Variants in APBB2 observed in about 807,000 individuals in gnomAD.
APBB2 encodes Fe65-like 1.
In APBB2, 38 loss-of-function variants were observed where a neutral mutation model predicts 82.5. That is an observed-to-expected ratio of 0.46 (90% CI 0.36 to 0.60). APBB2 has a LOEUF of 0.60. APBB2 is among the 20% of genes least tolerant of loss of function. The probability of loss-of-function intolerance (pLI) is 0.00; values close to 1 mark genes in which losing one functional copy is unlikely to be tolerated. For synonymous variants in APBB2, 341 were observed against 368.2 expected (o/e 0.93, Z 0.85); for missense variants, 772 against 972.3 (o/e 0.79, Z 2.74).
At chr4:41,110,622 A>C (rs984239354) in intron 2 of APBB2, among the ~76,000 whole-genome samples, 1 of 148,424 alleles carries the variant, frequency 6.7e-6, no homozygotes, top group African/African-American at 2.5e-5. Flanking sequence ...AAAAAAAAAG[A>C]CCTCATTTTT....
chr4:40,911,804 C>T (rs971646786), intron 10 of APBB2, among the ~76,000 whole-genome samples: 3 of 152,156 alleles, frequency 2.0e-5, no homozygotes, highest in East Asian at 1.9e-4. Context: ...GTGCTGGAGC[C>T]GAGCCTCCAT....
chr4:41,101,054 G>A (rs1745158151), intron 2 of APBB2, among the ~76,000 whole-genome samples: 1 of 152,198 alleles, frequency 6.6e-6, no homozygotes, highest in African/African-American at 2.4e-5. Flanking sequence ...GGAACCGAGG[G>A]AGAATCTGGA....
chr4:40,848,812 G>T (rs1758435893), intron 12 of APBB2: 13 of 974,004 alleles, frequency 1.3e-5, no homozygotes, highest in Admixed American at 1.2e-4. Context: ...CGGCTGCTTG[G>T]TCTGCTTTTC....
chr4:41,054,796 G>T lies in APBB2; in HGVS notation c.-51+10780C>A, dbSNP rs73809499. Reference sequence around the variant, plus strand: ...ACTGAGAAGCTTTGAGGTGCAGCTCGCTATTCCCCAGGCAGAAAAGCCATG... The same window carrying T: ...ACTGAGAAGCTTTGAGGTGCAGCTCTCTATTCCCCAGGCAGAAAAGCCATG... On this transcript the variant is annotated intron_variant, in intron 4 of 17. Coordinates refer to ENST00000508593, the MANE Select transcript of APBB2 (RefSeq NM_004307.2). Among the ~76,000 whole-genome samples, 88 of 151,972 alleles carry T rather than the reference G, an allele frequency of 5.8e-4. 1 individual carries two copies. The highest frequency in any genetic ancestry group is 2.0e-3 in the African/African-American group (81 of 41,410).
At chr4:40,962,646 T>C (rs987555742) in intron 6 of APBB2, among the ~76,000 whole-genome samples, 1 of 152,074 alleles carries the variant, frequency 6.6e-6, no homozygotes, top group African/African-American at 2.4e-5. Context: ...CCCCTTTTTT[T>C]CCTATCTCAT....
intron 4 of APBB2, among the ~76,000 whole-genome samples, chr4:41,053,012 G>A (rs141817935): frequency 0.01 from 1,578 of 152,184 alleles, 19 homozygotes; most frequent in African/African-American, 0.017. Flanking sequence ...TGATCCACCC[G>A]CCTTGGCCTT....
chr4:40,989,089 G>A (rs1026685286), intron 6 of APBB2, among the ~76,000 whole-genome samples: 2 of 152,108 alleles, frequency 1.3e-5, no homozygotes, highest in Admixed American at 1.3e-4. Context: ...AATTTGCAAT[G>A]TTCATAAAGT....
chr4:41,077,008 ATTT>A (rs35092142), intron 3 of APBB2, among the ~76,000 whole-genome samples: 1 of 144,734 alleles, frequency 6.9e-6, no homozygotes. Flanking sequence ...AAAAATCAGG[ATTT>A]TTTTTTTTTT....
intron 2 of APBB2, among the ~76,000 whole-genome samples, chr4:41,116,877 T>C (rs1311771399): frequency 6.6e-6 from 1 of 152,116 alleles, no homozygotes; most frequent in East Asian, 1.9e-4. Context: ...CTTGCCAAAT[T>C]AAATTATAGT....
Position 40,934,626 on chromosome 4 carries a change from G to C in APBB2, c.1181C>G (p.Ser394Cys), listed in dbSNP as rs1244395505. The change falls in exon 9 of 18, where the codon TCT (serine) becomes TGT (cysteine). Residue 394 changes from serine to cysteine, a missense_variant. By Grantham distance (112) the Ser-to-Cys change is moderately radical. Transcript: ENST00000508593. Reference sequence around the variant, plus strand: ...ACTAATGTCCTACCTGAGTTTCAAAGATGCATAGCGTAGGGTTGCTCCTTC... The same window carrying C: ...ACTAATGTCCTACCTGAGTTTCAAACATGCATAGCGTAGGGTTGCTCCTTC... ...EFEGATLRYA[S>C]LKLRNAPHPD... is the part of the protein sequence containing the mutation. The C allele has an allele frequency of 6.2e-7, 1 of 1,613,840 alleles. No homozygotes were observed. Among genetic ancestry groups the C allele is most frequent in the Admixed American group, 1.7e-5 (1 of 60,010 alleles).
At chr4:41,078,916 C>T (rs945350392) in intron 3 of APBB2, among the ~76,000 whole-genome samples, 7 of 152,166 alleles carry the variant, frequency 4.6e-5, no homozygotes, top group Admixed American at 4.6e-4. Context: ...TGGCTAGACA[C>T]TAACATTCCC....
chr4:40,822,936 AGAGGT>A (rs1349635111), intron 16 of APBB2, among the ~76,000 whole-genome samples: 1 of 152,118 alleles, frequency 6.6e-6, no homozygotes, highest in Non-Finnish European at 1.5e-5. Context: ...ACCTACTTGA[AGAGGT>A]GAGGAGAGCT....
intron 6 of APBB2, among the ~76,000 whole-genome samples, chr4:40,993,697 G>C (rs1012778168): frequency 7.2e-5 from 11 of 151,786 alleles, no homozygotes; most frequent in Non-Finnish European, 1.2e-4. Context: ...ACTTCTACTT[G>C]ATTCTATCAA....
At chr4:41,208,828 G>T (rs920724903) in intron 1 of APBB2, among the ~76,000 whole-genome samples, 3 of 152,062 alleles carry the variant, frequency 2.0e-5, no homozygotes, top group African/African-American at 7.2e-5. Context: ...TTCTCTTCTC[G>T]TATTTGTCCA....
At chr4:41,102,534 G>C (rs1297349041) in intron 2 of APBB2, among the ~76,000 whole-genome samples, 1 of 152,172 alleles carries the variant, frequency 6.6e-6, no homozygotes, top group East Asian at 1.9e-4. Flanking sequence ...TTCACTGCAA[G>C]AATACTAGGT....
At chr4:40,986,215 A>G (rs751012300) in intron 6 of APBB2, among the ~76,000 whole-genome samples, 9 of 152,222 alleles carry the variant, frequency 5.9e-5, no homozygotes, top group Non-Finnish European at 1.0e-4. Context: ...AAATTCCAAA[A>G]CAATCCAGAA....
intron 1 of APBB2, among the ~76,000 whole-genome samples, chr4:41,171,015 G>A (rs567207486): frequency 6.6e-6 from 1 of 152,302 alleles, no homozygotes; most frequent in African/African-American, 2.4e-5. Flanking sequence ...CCCCTTGACA[G>A]GTCTGCAGGG....
intron 6 of APBB2, among the ~76,000 whole-genome samples, chr4:40,954,695 G>A (rs1578719577): frequency 6.6e-6 from 1 of 152,154 alleles, no homozygotes; most frequent in South Asian, 2.1e-4. Flanking sequence ...ATTGAGTCTT[G>A]CTCTGTCACC....
At chr4:40,986,694 T>C (rs1357097395) in intron 6 of APBB2, among the ~76,000 whole-genome samples, 1 of 152,254 alleles carries the variant, frequency 6.6e-6, no homozygotes, top group Non-Finnish European at 1.5e-5. Context: ...CATCTGGTCC[T>C]GGAATCTACT....
Sources: allele counts gnomAD v4.1 joint callset (sites outside exome capture counted in the v4.1 genomes callset), GRCh38; gene constraint gnomAD v4.1.1; transcripts MANE v1.5; gene names NCBI Gene and HGNC (gene_info 2026-07-23, HGNC 2026-07-21).